BTBD9: variants seen among roughly 807,000 people sequenced by gnomAD.
The protein encoded by BTBD9 is BTB domain containing 9.
In BTBD9, 49 loss-of-function variants were observed where a neutral mutation model predicts 64.3. The ratio of observed to expected loss-of-function variants is 0.76; its 90% CI spans 0.61 to 0.97. The LOEUF is 0.97. Among genes scored for constraint, BTBD9 ranks in the 50% least tolerant of loss-of-function variants. The pLI is 0.00. For synonymous variants in BTBD9, 260 were observed against 274.7 expected (o/e 0.95, Z 0.53); for missense variants, 598 against 762.1 (o/e 0.78, Z 2.53).
At chr6:38,506,145 T>C (rs1019388835) in intron 6 of BTBD9, among the ~76,000 whole-genome samples, 1 of 152,082 alleles carries the variant, frequency 6.6e-6, no homozygotes, top group Non-Finnish European at 1.5e-5. Context: ...CCTCAGACAA[T>C]AGCCAAATCA....
At chr6:38,215,299 A>C (rs1762975211) in intron 9 of BTBD9, among the ~76,000 whole-genome samples, 1 of 152,204 alleles carries the variant, frequency 6.6e-6, no homozygotes, top group African/African-American at 2.4e-5. Context: ...CAGCTTAGAA[A>C]GAATATTATT....
Position 38,637,151 on chromosome 6 carries a change from A to G in BTBD9, c.-28+2649T>C, listed in dbSNP as rs540940728. Reference sequence around the variant, plus strand: ...CCAAAGCACTCTACTCCCCCAGCACATTATTCATTCCAAAAGTGATTAATT... The same window carrying G: ...CCAAAGCACTCTACTCCCCCAGCACGTTATTCATTCCAAAAGTGATTAATT... On this transcript the variant is annotated intron_variant, in intron 1 of 10. Transcript: ENST00000481247. 3.3e-5 allele frequency among the ~76,000 whole-genome samples: 5 copies of G among 152,260 alleles called. No homozygotes were observed. The South Asian group carries it at 8.3e-4, about 25-fold the overall frequency.
At chr6:38,465,804 G>C (rs1362067996) in intron 6 of BTBD9, among the ~76,000 whole-genome samples, 2 of 126,302 alleles carry the variant, frequency 1.6e-5, no homozygotes, top group Non-Finnish European at 3.3e-5. Flanking sequence ...GAGTGACTTA[G>C]GTAATTTTTA....
At chr6:38,601,017 C>A (rs1401605656) in intron 1 of BTBD9, among the ~76,000 whole-genome samples, 1 of 151,994 alleles carries the variant, frequency 6.6e-6, no homozygotes, top group African/African-American at 2.4e-5. Context: ...AATGAGCTTG[C>A]CCAACATTGG....
chr6:38,254,209 T>G (rs574145941), intron 9 of BTBD9, among the ~76,000 whole-genome samples: 2 of 151,694 alleles, frequency 1.3e-5, no homozygotes, highest in East Asian at 3.9e-4. Context: ...GGAAAATCAC[T>G]TAACTAGGAA....
chr6:38,431,606 C>A (rs924057491), intron 6 of BTBD9, among the ~76,000 whole-genome samples: 3 of 152,040 alleles, frequency 2.0e-5, no homozygotes, highest in East Asian at 1.9e-4. Context: ...CAAAAAAATT[C>A]TCTCCTAATC....
intron 6 of BTBD9, among the ~76,000 whole-genome samples, chr6:38,364,505 T>C (rs1185317384): frequency 6.6e-6 from 1 of 152,240 alleles, no homozygotes; most frequent in Non-Finnish European, 1.5e-5. Context: ...TAAGTGGAAA[T>C]TGGTTATTTG....
chr6:38,388,505 A>G (rs1346864739), intron 6 of BTBD9, among the ~76,000 whole-genome samples: 3 of 152,228 alleles, frequency 2.0e-5, no homozygotes, highest in Non-Finnish European at 4.4e-5. Flanking sequence ...GGGAACTAAA[A>G]TGCTTTGGAA....
At chr6:38,344,858 C>A (rs969611517) in intron 7 of BTBD9, 126 bp downstream of exon 7, 2 of 511,642 alleles carry the variant, frequency 3.9e-6, no homozygotes, top group African/African-American at 3.8e-5. Flanking sequence ...CCCTATGTCA[C>A]CTAGCAATAA....
chr6:38,356,666 G>A (rs1764740159), intron 6 of BTBD9, among the ~76,000 whole-genome samples: 1 of 152,034 alleles, frequency 6.6e-6, no homozygotes, highest in Non-Finnish European at 1.5e-5. Flanking sequence ...CACATGTCTG[G>A]TTGTCAGGAG....
At chr6:38,356,593 AAAGTTTCC>A (rs1436917257) in intron 6 of BTBD9, among the ~76,000 whole-genome samples, 2 of 152,140 alleles carry the variant, frequency 1.3e-5, no homozygotes, top group African/African-American at 4.8e-5. Context: ...CATTTTTTTT[AAAGTTTCC>A]ATATCCTTAT....
At chr6:38,552,951 A>G (rs1404767080) in intron 6 of BTBD9, among the ~76,000 whole-genome samples, 1 of 152,166 alleles carries the variant, frequency 6.6e-6, no homozygotes, top group African/African-American at 2.4e-5. Flanking sequence ...CCTTACATCA[A>G]ATGGCACAGT....
chr6:38,596,836 C>G (rs1284945231), intron 2 of BTBD9, among the ~76,000 whole-genome samples: 1 of 149,836 alleles, frequency 6.7e-6, no homozygotes, highest in East Asian at 1.9e-4. Context: ...TTATAAAACA[C>G]TTTAATAGTA....
chr6:38,264,512 C>T (rs890197465), intron 8 of BTBD9, among the ~76,000 whole-genome samples: 2 of 152,198 alleles, frequency 1.3e-5, no homozygotes, highest in African/African-American at 4.8e-5. Context: ...GAAAGACAAA[C>T]AACACATTAG....
chr6:38,443,823 T>C (rs985903571), intron 6 of BTBD9, among the ~76,000 whole-genome samples: 1 of 152,150 alleles, frequency 6.6e-6, no homozygotes, highest in Non-Finnish European at 1.5e-5. Context: ...CTAAACAGTC[T>C]CCTTACTGGT....
chr6:38,333,609 TTCTC>T (rs1763763043), intron 7 of BTBD9, among the ~76,000 whole-genome samples: 2 of 152,004 alleles, frequency 1.3e-5, no homozygotes, highest in African/African-American at 4.8e-5. Flanking sequence ...CCTTCACTCT[TTCTC>T]TCTCTCTCCT....
intron 9 of BTBD9, among the ~76,000 whole-genome samples, chr6:38,212,271 C>T (rs1392237472): frequency 6.6e-6 from 1 of 152,106 alleles, no homozygotes; most frequent in Non-Finnish European, 1.5e-5. Context: ...GTGAGGTGGA[C>T]GCAACACTGG....
intron 1 of BTBD9, among the ~76,000 whole-genome samples, chr6:38,607,690 T>C (rs1777476472): frequency 6.6e-6 from 1 of 151,858 alleles, no homozygotes; most frequent in South Asian, 2.1e-4. Flanking sequence ...CTTTGTATAA[T>C]AACTAACTCT....
chr6:38,313,419 A>C (rs1042866526), intron 7 of BTBD9, among the ~76,000 whole-genome samples: 2 of 152,188 alleles, frequency 1.3e-5, no homozygotes, highest in Admixed American at 1.3e-4. Flanking sequence ...ACTATGTTGA[A>C]AGTCCTAAGT....
Sources: gnomAD v4.1 joint callset for allele counts (sites outside exome capture counted in the v4.1 genomes callset) on GRCh38, gnomAD v4.1.1 for gene constraint, MANE v1.5 for transcripts, NCBI Gene and HGNC (gene_info 2026-07-23, HGNC 2026-07-21) for gene names.